Variants in UNC13C observed in about 807,000 individuals in gnomAD.
UNC13C encodes protein unc-13 homolog C.
A neutral mutation model predicts 245.4 loss-of-function variants in UNC13C; 174 were observed. The observed-to-expected ratio is 0.71, with a 90% CI of 0.63 to 0.80. The LOEUF (loss-of-function observed/expected upper bound fraction) is 0.80. UNC13C is among the 30% of genes least tolerant of loss of function. The pLI is 0.00. For missense variants in UNC13C, 2,829 were observed against 2,602.9 expected (o/e 1.09, Z -1.89); for synonymous variants, 992 against 895.1 (o/e 1.11, Z -1.93).
At chr15:54,118,255 A>AT (rs1203475903) in intron 2 of UNC13C, among the ~76,000 whole-genome samples, 1 of 152,084 alleles carries the variant, frequency 6.6e-6, no homozygotes, top group Non-Finnish European at 1.5e-5. Context: ...TACTATATTC[A>AT]TTTTAACAAT....
intron 2 of UNC13C, among the ~76,000 whole-genome samples, chr15:54,075,073 GCAATTT>G (rs796360517): frequency 2.0e-4 from 31 of 152,214 alleles, no homozygotes; most frequent in African/African-American, 7.5e-4. Context: ...GGCCTGAGCT[GCAATTT>G]CTATATCTGT....
chr15:54,505,815 C>G (rs764396993), intron 22 of UNC13C, among the ~76,000 whole-genome samples: 28 of 147,616 alleles, frequency 1.9e-4, no homozygotes, highest in Non-Finnish European at 3.3e-4. Flanking sequence ...TGACTGTGCA[C>G]TTTGTCTTAC....
intron 19 of UNC13C, among the ~76,000 whole-genome samples, chr15:54,492,001 A>AC (rs980563031): frequency 6.6e-5 from 10 of 152,058 alleles, no homozygotes; most frequent in Non-Finnish European, 1.2e-4. Flanking sequence ...CAAAAAAAAA[A>AC]AAACAATTTA....
chr15:54,577,007 T>C (rs1226720148), intron 30 of UNC13C, among the ~76,000 whole-genome samples: 1 of 152,186 alleles, frequency 6.6e-6, no homozygotes, highest in Non-Finnish European at 1.5e-5. Flanking sequence ...TTACAGACTT[T>C]TATTGTAGCA....
At chr15:54,476,807 C>T (rs1360594421) in intron 19 of UNC13C, among the ~76,000 whole-genome samples, 1 of 150,330 alleles carries the variant, frequency 6.7e-6, no homozygotes, top group Non-Finnish European at 1.5e-5. Flanking sequence ...TTTTTGGTTC[C>T]ATATGAACTT....
intron 2 of UNC13C, among the ~76,000 whole-genome samples, chr15:54,086,407 T>A (rs1332224333): frequency 6.6e-6 from 1 of 152,176 alleles, no homozygotes; most frequent in Non-Finnish European, 1.5e-5. Context: ...ATGTTCCTTA[T>A]CTCCTTAAGA....
intron 2 of UNC13C, among the ~76,000 whole-genome samples, chr15:54,018,429 T>A (rs913264804): frequency 1.3e-5 from 2 of 152,240 alleles, no homozygotes; most frequent in Non-Finnish European, 2.9e-5. Flanking sequence ...ACTGTTGTCT[T>A]CAGGATCCAG....
intron 4 of UNC13C, among the ~76,000 whole-genome samples, chr15:54,200,658 G>A (rs998751096): frequency 2.0e-5 from 3 of 151,792 alleles, no homozygotes; most frequent in African/African-American, 7.3e-5. Flanking sequence ...AAAACCTCTG[G>A]GATACAGCAA....
At chr15:53,862,151 C>T in the UNC13C span, among the ~76,000 whole-genome samples, 59 of 152,232 alleles carry the variant, frequency 3.9e-4, 1 homozygote, top group East Asian at 0.01. Context: ...CTATTCCTGG[C>T]TTGTAGACAG....
chr15:54,260,681 T>A (rs2140883906), intron 8 of UNC13C, among the ~76,000 whole-genome samples: 1 of 148,368 alleles, frequency 6.7e-6, no homozygotes, highest in Admixed American at 6.8e-5. Context: ...GTATGTTTTA[T>A]ATATAAAGAA....
At chr15:54,506,236 T>C (rs1248051091) in intron 22 of UNC13C, among the ~76,000 whole-genome samples, 2 of 152,188 alleles carry the variant, frequency 1.3e-5, no homozygotes, top group African/African-American at 4.8e-5. Context: ...TTATATGTTG[T>C]TGTGTATGCA....
chr15:54,099,426 A>C (rs1287545988), intron 2 of UNC13C, among the ~76,000 whole-genome samples: 2 of 152,156 alleles, frequency 1.3e-5, no homozygotes, highest in Non-Finnish European at 2.9e-5. Context: ...CTGGCCATGC[A>C]TCTCAAGGTG....
At chr15:54,104,861 C>T (rs1900354581) in intron 2 of UNC13C, among the ~76,000 whole-genome samples, 1 of 152,072 alleles carries the variant, frequency 6.6e-6, no homozygotes, top group African/African-American at 2.4e-5. Context: ...GAGAAGGTGG[C>T]TGGTGCTCTG....
upstream of UNC13C, among the ~76,000 whole-genome samples, chr15:53,976,156 G>T (rs1314716840): frequency 5.9e-5 from 9 of 152,040 alleles, no homozygotes; most frequent in Non-Finnish European, 5.9e-5. Flanking sequence ...CACTCTAACG[G>T]CAACATATTT....
At chr15:53,942,411 G>A in the UNC13C span, among the ~76,000 whole-genome samples, 2 of 152,058 alleles carry the variant, frequency 1.3e-5, no homozygotes, top group African/African-American at 2.4e-5. Context: ...GTGGGGATGA[G>A]GGGAGAGAGA....
At chr15:54,178,469 A>G (rs556483810) in intron 4 of UNC13C, among the ~76,000 whole-genome samples, 2 of 152,204 alleles carry the variant, frequency 1.3e-5, no homozygotes, top group Non-Finnish European at 2.9e-5. Flanking sequence ...ATCAGCAGAT[A>G]CACAGAAGAG....
At chr15:54,451,596 C>T (rs1891179740) in intron 19 of UNC13C, among the ~76,000 whole-genome samples, 1 of 151,850 alleles carries the variant, frequency 6.6e-6, no homozygotes, top group African/African-American at 2.4e-5. Flanking sequence ...TTCTTCAGTT[C>T]CAGGATATTT....
At chr15:54,591,510 G>C (rs1477849775) in intron 30 of UNC13C, among the ~76,000 whole-genome samples, 2 of 152,006 alleles carry the variant, frequency 1.3e-5, no homozygotes, top group South Asian at 2.1e-4. Context: ...TCCTGATTTA[G>C]GCTAGGAGGG....
chr15:54,445,665 T>A (rs1464186147), intron 19 of UNC13C, among the ~76,000 whole-genome samples: 1 of 152,236 alleles, frequency 6.6e-6, no homozygotes. Context: ...TAAATTTGTT[T>A]GAGTTCTTTG....
Sources: allele counts gnomAD v4.1 joint callset (sites outside exome capture counted in the v4.1 genomes callset), GRCh38; gene constraint gnomAD v4.1.1; transcripts MANE v1.5; gene names NCBI Gene and HGNC (gene_info 2026-07-23, HGNC 2026-07-21).